Variants in TIMP3 observed in about 807,000 individuals in gnomAD.
TIMP3 encodes the protein TIMP metallopeptidase inhibitor 3, also known as metalloproteinase inhibitor 3.
A neutral mutation model predicts 30.0 loss-of-function variants in TIMP3; 11 were observed. That is an observed-to-expected ratio of 0.37 (90% CI 0.23 to 0.61). The LOEUF is 0.61. TIMP3 is among the 20% of genes least tolerant of loss of function. TIMP3 has a pLI of 0.70. For synonymous variants in TIMP3, 112 were observed against 111.3 expected, an observed-to-expected ratio of 1.01 and a Z score of -0.04; for missense variants, 181 against 276.8, an observed-to-expected ratio of 0.65 and a Z score of 2.45.
chr22:32,815,214 G>A (rs2047056866), intron 1 of TIMP3, among the ~76,000 whole-genome samples: 1 of 152,170 alleles, frequency 6.6e-6, no homozygotes. Flanking sequence ...AGGTACTTTT[G>A]GGCTGACCAA....
At chr22:32,809,020 G>A (rs1218080167) in intron 1 of TIMP3, among the ~76,000 whole-genome samples, 1 of 152,164 alleles carries the variant, frequency 6.6e-6, no homozygotes, top group Non-Finnish European at 1.5e-5. Context: ...GAAGAAAGTG[G>A]AGATTTCTAA....
In TIMP3 at chr22:32,826,079, G is replaced by A. The variant is rs58709981; in HGVS notation, c.122-23373G>A. Among the ~76,000 whole-genome samples, 1,421 of 152,250 alleles carry A rather than the reference G, an allele frequency of 9.3e-3. 23 individuals carry two copies. Among genetic ancestry groups the A allele is most frequent in the African/African-American group, 0.033 (1,369 of 41,556 alleles). On this transcript the variant is annotated intron_variant, in intron 1 of 4. Transcript: ENST00000266085. Reference sequence around the variant, plus strand: ...TTATTTTATAGGTTTTTGTTTGTTTGTTGACTTCTTTTTTTCCCAACCTTT... The same window carrying A: ...TTATTTTATAGGTTTTTGTTTGTTTATTGACTTCTTTTTTTCCCAACCTTT...
At chr22:32,825,657 C>CAAAAAAAAAAA (rs130292) in intron 1 of TIMP3, among the ~76,000 whole-genome samples, 1 of 28,594 alleles carries the variant, frequency 3.5e-5, no homozygotes, top group African/African-American at 1.3e-4. Flanking sequence ...GTTTCCATCT[C>CAAAAAAAAAAA]AAAAAAAAAA....
intron 1 of TIMP3, among the ~76,000 whole-genome samples, chr22:32,811,430 G>A (rs1195491758): frequency 3.3e-5 from 5 of 152,164 alleles, no homozygotes; most frequent in Admixed American, 2.6e-4. Flanking sequence ...TTCACTTTCG[G>A]TGAGGAAAAT....
intron 3 of TIMP3, 30 bp downstream of exon 3, chr22:32,857,390 G>C: frequency 6.4e-7 from 1 of 1,564,736 alleles, no homozygotes; most frequent in Non-Finnish European, 8.8e-7. Context: ...TCTAGGCCAG[G>C]GTTTGGCCAA....
At chr22:32,805,030 T>C (rs995087142) in intron 1 of TIMP3, among the ~76,000 whole-genome samples, 10 of 151,598 alleles carry the variant, frequency 6.6e-5, no homozygotes, top group Non-Finnish European at 1.3e-4. Context: ...TGTGTGCGTG[T>C]GTGTGTGTGT....
intron 1 of TIMP3, among the ~76,000 whole-genome samples, chr22:32,823,343 C>T (rs747450061): frequency 2.6e-5 from 4 of 152,130 alleles, no homozygotes; most frequent in African/African-American, 4.8e-5. Flanking sequence ...CAGAGAATGC[C>T]GCAAGGGATG....
At chr22:32,803,649 C>T (rs1298987353) in intron 1 of TIMP3, among the ~76,000 whole-genome samples, 1 of 152,182 alleles carries the variant, frequency 6.6e-6, no homozygotes, top group Non-Finnish European at 1.5e-5. Context: ...TTCCACTTAC[C>T]CTTTCCCTCC....
At chr22:32,835,982 C>T (rs943986241) in intron 1 of TIMP3, among the ~76,000 whole-genome samples, 3 of 152,182 alleles carry the variant, frequency 2.0e-5, no homozygotes, top group East Asian at 1.9e-4. Context: ...TCCCTATCTC[C>T]GCATTTCCAA....
At chr22:32,833,915 A>G (rs1217579838) in intron 1 of TIMP3, 2 of 496,492 alleles carry the variant, frequency 4.0e-6, no homozygotes, top group South Asian at 2.9e-5. Context: ...TAGAATTAGT[A>G]TTGTAATCAT....
At chr22:32,845,044 T>C (rs2048021166) in intron 1 of TIMP3, among the ~76,000 whole-genome samples, 1 of 152,120 alleles carries the variant, frequency 6.6e-6, no homozygotes, top group Admixed American at 6.5e-5. Context: ...CTTGCTTCTT[T>C]TGACCACCAG....
At chr22:32,858,724 G>A (rs1185615888) in intron 4 of TIMP3, among the ~76,000 whole-genome samples, 3 of 152,170 alleles carry the variant, frequency 2.0e-5, no homozygotes, top group South Asian at 2.1e-4. Flanking sequence ...TTCTGCAGAT[G>A]AGAGCTCAGA....
At chr22:32,834,326 T>TA (rs111825455) in intron 1 of TIMP3, among the ~76,000 whole-genome samples, 27,484 of 150,992 alleles carry the variant, frequency 0.18, 3,025 homozygotes, top group East Asian at 0.33. Context: ...CTAATTTATT[T>TA]TTTTTTTTGT....
intron 2 of TIMP3, among the ~76,000 whole-genome samples, chr22:32,854,899 G>A (rs2048323190): frequency 6.6e-6 from 1 of 152,144 alleles, no homozygotes; most frequent in African/African-American, 2.4e-5. Flanking sequence ...AACAGACCAA[G>A]TTATGCTATG....
At chr22:32,825,789 A>T (rs138291808) in intron 1 of TIMP3, among the ~76,000 whole-genome samples, 80 of 150,820 alleles carry the variant, frequency 5.3e-4, no homozygotes, top group African/African-American at 1.8e-3. Context: ...GATGTTTATC[A>T]TAGAGTTGTT....
chr22:32,814,131 TGTGTGTGTGTGAGAGAGA>T (rs1350610774), intron 1 of TIMP3, among the ~76,000 whole-genome samples: 3 of 134,578 alleles, frequency 2.2e-5, no homozygotes, highest in Non-Finnish European at 3.1e-5. Flanking sequence ...TGTGTGTGTG[TGTGTGTGTGTGAGAGAGA>T]GAGAGAGAGA....
chr22:32,823,086 T>G (rs1369208117), intron 1 of TIMP3, among the ~76,000 whole-genome samples: 2 of 152,236 alleles, frequency 1.3e-5, no homozygotes, highest in East Asian at 3.9e-4. Context: ...AAAATTTCAC[T>G]ACATTGACAC....
intron 2 of TIMP3, among the ~76,000 whole-genome samples, chr22:32,856,901 A>T (rs2048384447): frequency 6.6e-6 from 1 of 152,198 alleles, no homozygotes; most frequent in Admixed American, 6.5e-5. Context: ...ATGAGTGAGA[A>T]CATGGTGTAT....
chr22:32,850,141 T>C (rs1361146113), intron 2 of TIMP3, among the ~76,000 whole-genome samples: 1 of 150,804 alleles, frequency 6.6e-6, no homozygotes, highest in Non-Finnish European at 1.5e-5. Flanking sequence ...ATTCTTATCA[T>C]TAAACATATT....
Sources: gnomAD v4.1 joint callset for allele counts (sites outside exome capture counted in the v4.1 genomes callset) on GRCh38, gnomAD v4.1.1 for gene constraint, MANE v1.5 for transcripts, NCBI Gene and HGNC (gene_info 2026-07-23, HGNC 2026-07-21) for gene names.